ABHD2: variants seen among roughly 807,000 people sequenced by gnomAD.
The protein encoded by ABHD2 is abhydrolase domain containing 2, acylglycerol lipase.
ABHD2 carries 20 observed loss-of-function variants against 48.1 expected under a neutral mutation model. The observed-to-expected ratio is 0.42, with a 90% CI of 0.29 to 0.60. The LOEUF is 0.60. ABHD2 is among the 20% of genes least tolerant of loss of function. The probability of loss-of-function intolerance (pLI) is 0.24; values close to 1 mark genes in which losing one functional copy is unlikely to be tolerated. For synonymous variants in ABHD2, 209 were observed against 214.2 expected (o/e 0.98, Z 0.21); for missense variants, 405 against 550.9 (o/e 0.74, Z 2.65).
chr15:89,076,271 C>G, the ABHD2 span, among the ~76,000 whole-genome samples: 1 of 152,172 alleles, frequency 6.6e-6, no homozygotes, highest in African/African-American at 2.4e-5. Context: ...ATATCATCCA[C>G]CTTCAGCAAT....
the ABHD2 span, among the ~76,000 whole-genome samples, chr15:89,047,195 A>G: frequency 6.6e-6 from 1 of 152,056 alleles, no homozygotes; most frequent in African/African-American, 2.4e-5. Context: ...GTTTCCATGT[A>G]GTTGAGCGGT....
upstream of ABHD2, among the ~76,000 whole-genome samples, chr15:89,086,595 T>C (rs1901351893): frequency 6.6e-6 from 1 of 152,152 alleles, no homozygotes. Flanking sequence ...TTAAATTTTT[T>C]GTAGAGACGG....
chr15:89,148,361 A>G (rs1170963476), intron 3 of ABHD2, among the ~76,000 whole-genome samples: 1 of 152,204 alleles, frequency 6.6e-6, no homozygotes, highest in East Asian at 1.9e-4. Flanking sequence ...TTTCAACCAT[A>G]GATTGGGTCA....
chr15:89,189,959 AGG>A lies in ABHD2; in HGVS notation c.927-1119_927-1118del, dbSNP rs144132693. 0.013 allele frequency among the ~76,000 whole-genome samples: 1,910 copies of A among 152,274 alleles called. 18 individuals are homozygous for A. The highest frequency in any genetic ancestry group is 0.023 in the South Asian group (109 of 4,824). ...CAGAGATCCATCCCAGTAATACTGGAGGGATGGAACAATGCATTTCCTGCCTG... is the reference window on the plus strand; with the variant it reads ...CAGAGATCCATCCCAGTAATACTGGAGATGGAACAATGCATTTCCTGCCTG... On this transcript the variant is annotated intron_variant, in intron 8 of 10. Transcript: ENST00000352732. This position sits in a 1 kb window ranked among gnomAD's most constrained non-coding sequence, Gnocchi z 4.9.
At chr15:89,138,779 G>A (rs1394547258) in intron 3 of ABHD2, among the ~76,000 whole-genome samples, 1 of 152,164 alleles carries the variant, frequency 6.6e-6, no homozygotes, top group Non-Finnish European at 1.5e-5. Context: ...TCTGGTTGGG[G>A]GAGTTGATGA....
the ABHD2 span, among the ~76,000 whole-genome samples, chr15:89,053,565 G>T: frequency 0.013 from 1,915 of 152,262 alleles, 39 homozygotes; most frequent in African/African-American, 0.044. Context: ...GTGTTTCTTG[G>T]GGGATTTGAA....
intron 4 of ABHD2, among the ~76,000 whole-genome samples, chr15:89,152,238 G>T (rs1047208447): frequency 1.3e-5 from 2 of 152,104 alleles, no homozygotes; most frequent in African/African-American, 4.8e-5. Context: ...ACCACGCTCG[G>T]CTAATTTTTT....
intron 3 of ABHD2, among the ~76,000 whole-genome samples, chr15:89,143,004 GT>G (rs574022375): frequency 2.0e-5 from 3 of 151,506 alleles, no homozygotes; most frequent in Admixed American, 1.3e-4. Flanking sequence ...TCCATGATGA[GT>G]TTTTTTTTAA....
In ABHD2 at chr15:89,200,780, C is replaced by G. The variant is rs772495050; in HGVS notation, c.*5357C>G. On this transcript the variant is annotated 3_prime_UTR_variant, in exon 11 of 11. Coordinates refer to ENST00000352732, the MANE Select transcript of ABHD2 (RefSeq NM_152924.5). Reference sequence around the variant, plus strand: ...ATGCTTTGCTCTACAAGACGAATTTCCCTAGAAAGAATCCAATGAAGGCCG... The same window carrying G: ...ATGCTTTGCTCTACAAGACGAATTTGCCTAGAAAGAATCCAATGAAGGCCG... 24 of 255,880 alleles carry G rather than the reference C, an allele frequency of 9.4e-5. No homozygotes were observed. The highest frequency in any genetic ancestry group is 1.6e-4 in the Non-Finnish European group (20 of 128,360). 15.9% of individuals were successfully genotyped at this position (255,880 alleles called of 1,614,324 possible).
chr15:89,137,080 T>C lies in ABHD2; in HGVS notation c.195-14597T>C, dbSNP rs1234672138. On this transcript the variant is annotated intron_variant, in intron 3 of 10. Transcript: ENST00000352732. This position sits in a 1 kb window ranked among gnomAD's most constrained non-coding sequence, Gnocchi z 4.8. ...CCTTCTCCTAAAGTTAGGTCACTAA[T>C]CTTTGACTGGCTGTTTGCAGGACCA... 6.6e-6 allele frequency among the ~76,000 whole-genome samples: 1 copy of C among 152,206 alleles called. No individual in the cohort carries two copies. Among genetic ancestry groups the C allele is most frequent in the African/African-American group, 2.4e-5 (1 of 41,444 alleles).
At chr15:89,059,195 C>G in the ABHD2 span, among the ~76,000 whole-genome samples, 1 of 152,154 alleles carries the variant, frequency 6.6e-6, no homozygotes, top group African/African-American at 2.4e-5. Context: ...CTGGTCACAG[C>G]TCTGCAGTCT....
At chr15:89,124,627 C>T (rs539719305) in intron 3 of ABHD2, among the ~76,000 whole-genome samples, 24 of 152,296 alleles carry the variant, frequency 1.6e-4, no homozygotes, top group Middle Eastern at 3.4e-3. Context: ...TTGCCAAGAG[C>T]CTTAATTCCA....
At chr15:89,161,407 T>A (rs534580831) in intron 5 of ABHD2, among the ~76,000 whole-genome samples, 2 of 152,286 alleles carry the variant, frequency 1.3e-5, no homozygotes, top group South Asian at 2.1e-4. Context: ...TTAATTAATT[T>A]ATTTATTTTC....
At chr15:89,064,221 T>TTC in the ABHD2 span, among the ~76,000 whole-genome samples, 2 of 50,082 alleles carry the variant, frequency 4.0e-5, no homozygotes, top group Non-Finnish European at 1.6e-4. Flanking sequence ...ATTGTGTCCT[T>TTC]TTTTTTTTTT....
Position 89,106,070 on chromosome 15 carries a change from T to TGG in ABHD2, c.-106-7655_-106-7654insGG, listed in dbSNP as rs758877878. ...AGCTCACGCCTGTAATTCCAGCACT[T>TGG]TGGGAGGCCGAGGCAGGTGGATCAC... is the stretch of plus-strand genomic sequence containing the variant. On this transcript the variant is annotated intron_variant, in intron 1 of 10. Coordinates refer to ENST00000352732, the MANE Select transcript of ABHD2 (RefSeq NM_152924.5). The surrounding 1 kb of genome is among the most constrained non-coding windows in gnomAD (Gnocchi z 4.2). 1.2e-4 allele frequency among the ~76,000 whole-genome samples: 19 copies of TGG among 152,148 alleles called. No individual in the cohort carries two copies. Among genetic ancestry groups the TGG allele is most frequent in the Admixed American group, 2.6e-4 (4 of 15,288 alleles).
In ABHD2 at chr15:89,177,445, C is replaced by A. The variant is rs546021773; in HGVS notation, c.722+1450C>A. 2.0e-5 allele frequency among the ~76,000 whole-genome samples: 3 copies of A among 152,184 alleles called. No individual in the cohort carries two copies. The highest frequency in any genetic ancestry group is 4.4e-5 in the Non-Finnish European group (3 of 68,036). On this transcript the variant is annotated intron_variant, in intron 6 of 10. Coordinates refer to ENST00000352732, the MANE Select transcript of ABHD2 (RefSeq NM_152924.5). This position sits in a 1 kb window ranked among gnomAD's most constrained non-coding sequence, Gnocchi z 5.6. ...ATCATGTTAGAAAGAAATTCTGTTT[C>A]TTGGGCCCCACCCTTGGAGATTTTG...
At chr15:89,049,214 C>A in the ABHD2 span, among the ~76,000 whole-genome samples, 1 of 152,214 alleles carries the variant, frequency 6.6e-6, no homozygotes, top group African/African-American at 2.4e-5. Context: ...GGTCAGGCAT[C>A]AGGGACCCAC....
At position 89,188,096 on chromosome 15, in the gene ABHD2, G is replaced by C. The variant is rs1016520519; in HGVS notation, c.816-97G>C. ...GTTCTATTTCTAACTGACCACGTTGGCTCTCCCTCCTGGCTTGCTGTGGCA... is the reference window on the plus strand; with the variant it reads ...GTTCTATTTCTAACTGACCACGTTGCCTCTCCCTCCTGGCTTGCTGTGGCA... On this transcript the variant is annotated intron_variant, in intron 7 of 10. Coordinates refer to ENST00000352732, the MANE Select transcript of ABHD2 (RefSeq NM_152924.5). This position sits in a 1 kb window ranked among gnomAD's most constrained non-coding sequence, Gnocchi z 4.1. 10 of 962,212 alleles carry C rather than the reference G, an allele frequency of 1.0e-5. No individual in the cohort carries two copies. Among genetic ancestry groups the C allele is most frequent in the Non-Finnish European group, 1.6e-5 (10 of 608,814 alleles). The allele number at this position is 962,212 out of a possible 1,614,324, so 59.6% of individuals were successfully genotyped here.
At chr15:89,087,044 A>T (rs1901377138), upstream of ABHD2, 1 of 152,186 alleles carries the variant, frequency 6.6e-6, no homozygotes, top group Non-Finnish European at 1.5e-5. The surrounding 1 kb of genome is among the most constrained non-coding windows in gnomAD (Gnocchi z 5.5). Flanking sequence ...TCTTTCAAAG[A>T]CAGACACAAA....
Sources: allele counts gnomAD v4.1 joint callset (sites outside exome capture counted in the v4.1 genomes callset), GRCh38; gene constraint gnomAD v4.1.1; non-coding constraint Gnocchi (gnomAD v3.1); transcripts MANE v1.5; gene names NCBI Gene and HGNC (gene_info 2026-07-23, HGNC 2026-07-21).